C2CD5: variants seen among roughly 807,000 people sequenced by gnomAD.
C2CD5 encodes the protein C2 calcium dependent domain containing 5.
In C2CD5, 109 loss-of-function variants were observed where a neutral mutation model predicts 130.3. The observed-to-expected ratio is 0.84, with a 90% CI of 0.72 to 0.98. The LOEUF is 0.98. Among genes scored for constraint, C2CD5 ranks in the 50% least tolerant of loss-of-function variants. The pLI, the probability that C2CD5 is intolerant of heterozygous loss-of-function variation, is 0.00. For missense variants in C2CD5, 996 were observed against 1,261.8 expected, an observed-to-expected ratio of 0.79 and a Z score of 3.19; for synonymous variants, 454 against 429.2, an observed-to-expected ratio of 1.06 and a Z score of -0.71.
At chr12:22,466,000 C>T (rs1328703964) in intron 22 of C2CD5, among the ~76,000 whole-genome samples, 2 of 151,906 alleles carry the variant, frequency 1.3e-5, no homozygotes, top group East Asian at 3.9e-4. Flanking sequence ...ATATAATAAA[C>T]GATGGAAAGA....
In C2CD5 at chr12:22,478,331, T is replaced by C. The variant is rs149904550; in HGVS notation, c.1884A>G (p.Leu628=). The C allele has an allele frequency of 1.9e-5, 30 of 1,612,030 alleles. No homozygotes were observed. Among genetic ancestry groups the C allele is most frequent in the Non-Finnish European group, 2.5e-5 (30 of 1,178,332 alleles). The change falls in exon 15 of 27, where the codon TTA becomes TTG. Residue 628 remains leucine, a synonymous_variant. Transcript: ENST00000446597. ...INDTIAKNKE[L]YEINPPEISE... Reference sequence around the variant, plus strand: ...TACTTACTGGAGGATTGATTTCATATAACTCTTTGTTTTTAGCAATTGTGT... The same window carrying C: ...TACTTACTGGAGGATTGATTTCATACAACTCTTTGTTTTTAGCAATTGTGT...
intron 11 of C2CD5, among the ~76,000 whole-genome samples, chr12:22,491,671 A>C (rs1166823934): frequency 6.6e-6 from 1 of 152,092 alleles, no homozygotes; most frequent in East Asian, 1.9e-4. Flanking sequence ...CAGGAGTTCG[A>C]GATCAGCCTG....
intron 12 of C2CD5, among the ~76,000 whole-genome samples, chr12:22,486,186 G>GT (rs1945475874): frequency 9.0e-6 from 1 of 111,388 alleles, no homozygotes; most frequent in Non-Finnish European, 2.0e-5. Flanking sequence ...GGCTTGAATG[G>GT]AAAAAAAAAA....
intron 22 of C2CD5, among the ~76,000 whole-genome samples, chr12:22,464,170 T>C (rs909421259): frequency 6.6e-6 from 1 of 152,206 alleles, no homozygotes. Context: ...TAGCTTCAAT[T>C]TGGACAGTTT....
chr12:22,525,841 G>A, intron 4 of C2CD5, 136 bp from the exon 5 acceptor site: 2 of 618,440 alleles, frequency 3.2e-6, no homozygotes, highest in Non-Finnish European at 2.9e-6. Flanking sequence ...TTACCATGGT[G>A]CAAAACCATT....
At chr12:22,497,702 AG>A in intron 10 of C2CD5, 1 of 269,762 alleles carries the variant, frequency 3.7e-6, no homozygotes. Flanking sequence ...TCAGTAGACT[AG>A]GAAGAAGATT....
At chr12:22,530,867 A>G (rs1223721138) in intron 3 of C2CD5, among the ~76,000 whole-genome samples, 1 of 152,184 alleles carries the variant, frequency 6.6e-6, no homozygotes, top group African/African-American at 2.4e-5. Flanking sequence ...ACTAGCTTTA[A>G]AAAATACCAG....
At chr12:22,524,761 T>C (rs1419931648) in intron 5 of C2CD5, 134 bp from the exon 6 acceptor site, 5 of 609,582 alleles carry the variant, frequency 8.2e-6, no homozygotes, top group African/African-American at 1.9e-5. Context: ...TCAATGTAAT[T>C]ATAATAATAC....
chr12:22,504,961 GA>G (rs1027615409), intron 10 of C2CD5, among the ~76,000 whole-genome samples: 19 of 151,334 alleles, frequency 1.3e-4, no homozygotes, highest in African/African-American at 3.1e-4. Context: ...GAAACGGGGG[GA>G]AAAAAAACTA....
chr12:22,453,176 T>C lies in C2CD5; in HGVS notation c.3024+720A>G, dbSNP rs140920043. On this transcript the variant is annotated intron_variant, in intron 26 of 26. Transcript: ENST00000446597. ...CTTAAGCTCTGTGTCTGCCAAGATA[T>C]TGATCCCCTCTGCTCTTAGGGGAGT... is the stretch of plus-strand genomic sequence containing the variant. Among the ~76,000 whole-genome samples the C allele has an allele frequency of 9.5e-4, 144 of 152,268 alleles. 1 individual carries two copies. Among genetic ancestry groups the C allele is most frequent in the African/African-American group, 3.3e-3 (138 of 41,570 alleles).
At chr12:22,467,649 T>C (rs1383793192) in intron 22 of C2CD5, among the ~76,000 whole-genome samples, 1 of 152,236 alleles carries the variant, frequency 6.6e-6, no homozygotes, top group Non-Finnish European at 1.5e-5. Context: ...CAAGTTCTCA[T>C]GCCTAATCCA....
At chr12:22,477,254 A>C (rs1175583602) in intron 15 of C2CD5, 1 of 152,176 alleles carries the variant, frequency 6.6e-6, no homozygotes, top group East Asian at 1.9e-4. Flanking sequence ...TGTATATTTT[A>C]TACTTACTAC....
Position 22,544,224 on chromosome 12 carries a change from G to A in C2CD5, c.-29-45C>T, listed in dbSNP as rs879059756. ...AGTCTGCGCCGAGCGCGGGGCCGGC[G>A]GGAGAGGGGCGGAGGCGCGCGGGGT... is the stretch of plus-strand genomic sequence containing the variant. On this transcript the variant is annotated intron_variant, in intron 1 of 26. Coordinates refer to ENST00000446597, the MANE Select transcript of C2CD5 (RefSeq NM_001286176.2). 3.8e-5 allele frequency: 57 copies of A among 1,495,790 alleles called. 2 individuals are homozygous for A. In the South Asian group the frequency reaches 4.1e-4, roughly 11 times the overall value. The allele number at this position is 1,495,790 out of a possible 1,614,324, so 92.7% of individuals were successfully genotyped here.
intron 9 of C2CD5, chr12:22,512,625 C>G (rs182167558): frequency 1.4e-6 from 2 of 1,456,056 alleles, no homozygotes; most frequent in Admixed American, 4.4e-5. Context: ...AATAGGCTCT[C>G]ACACATTTTT....
At chr12:22,501,273 C>T (rs1188208068) in intron 10 of C2CD5, among the ~76,000 whole-genome samples, 2 of 152,134 alleles carry the variant, frequency 1.3e-5, no homozygotes, top group African/African-American at 4.8e-5. Flanking sequence ...AGATATACTG[C>T]TTCCTCAACC....
At position 22,457,064 on chromosome 12, in the gene C2CD5, C is replaced by T. The variant is rs1258381550; in HGVS notation, c.2784G>A (p.Met928Ile). The change falls in exon 25 of 27, where the codon ATG becomes ATA. Residue 928 changes from methionine (M) to isoleucine (I), a missense_variant. Transcript: ENST00000446597. ...CTCCAGGAATAAAAGAAAGAGGTGT[C>T]ATCTTAACAACCCCAACTGTGGAAT... ...CANSTVGVVK[M>I]TPLSFIPGAK... is the part of the protein sequence containing the mutation. The T allele has an allele frequency of 6.2e-7, 1 of 1,611,878 alleles. No individual in the cohort carries two copies. The highest frequency in any genetic ancestry group is 8.5e-7 in the Non-Finnish European group (1 of 1,178,428).
intron 7 of C2CD5, among the ~76,000 whole-genome samples, chr12:22,518,525 G>A (rs904126841): frequency 1.3e-5 from 2 of 152,062 alleles, no homozygotes; most frequent in Admixed American, 6.5e-5. Flanking sequence ...TTTTATATTT[G>A]CACACACACA....
chr12:22,478,333 ACT>A lies in C2CD5; in HGVS notation c.1880_1881del (p.Glu627ValfsTer3), dbSNP rs1320368089. 6.2e-7 allele frequency: 1 copy of A among 1,611,968 alleles called. No individual in the cohort carries two copies. The highest frequency in any genetic ancestry group is 8.5e-7 in the Non-Finnish European group (1 of 1,178,360). ...KINDTIAKNK[E>X]LYEINPPEIS... ...CTTACTGGAGGATTGATTTCATATA[ACT>A]CTTTGTTTTTAGCAATTGTGTCATT... On this transcript the variant is annotated frameshift_variant, in exon 15 of 27. Coordinates refer to ENST00000446597, the MANE Select transcript of C2CD5 (RefSeq NM_001286176.2). LOFTEE classifies it high-confidence loss of function.
At chr12:22,477,409 GC>G (rs1467314926) in intron 15 of C2CD5, 1 of 152,096 alleles carries the variant, frequency 6.6e-6, no homozygotes, top group Non-Finnish European at 1.5e-5. Flanking sequence ...TATGATGAAA[GC>G]TATACATGTG....
Sources: allele counts gnomAD v4.1 joint callset (sites outside exome capture counted in the v4.1 genomes callset), GRCh38; gene constraint gnomAD v4.1.1; transcripts MANE v1.5; gene names NCBI Gene and HGNC (gene_info 2026-07-23, HGNC 2026-07-21).